LAPTM5: variants seen among roughly 807,000 people sequenced by gnomAD.
LAPTM5 encodes the protein lysosomal protein transmembrane 5.
LAPTM5 carries 11 observed loss-of-function variants against 30.1 expected under a neutral mutation model. The ratio of observed to expected loss-of-function variants is 0.37; its 90% CI spans 0.23 to 0.60. The LOEUF (loss-of-function observed/expected upper bound fraction) is 0.60. Ranked by LOEUF, LAPTM5 falls within the 20% of genes least tolerant of loss-of-function variation. The probability of loss-of-function intolerance (pLI) is 0.71; values close to 1 mark genes in which losing one functional copy is unlikely to be tolerated. For synonymous variants in LAPTM5, 151 were observed against 137.9 expected (o/e 1.10, Z -0.67); for missense variants, 324 against 332.5 (o/e 0.97, Z 0.20).
intron 1 of LAPTM5, among the ~76,000 whole-genome samples, chr1:30,742,819 G>A (rs562020010): frequency 6.6e-6 from 1 of 152,292 alleles, no homozygotes; most frequent in East Asian, 1.9e-4. Context: ...CTGCAAGATG[G>A]GGATAATACT....
chr1:30,742,555 G>A lies in LAPTM5; in HGVS notation c.88-6C>T. On this transcript the variant is annotated splice_polypyrimidine_tract_variant and splice_region_variant and intron_variant, in intron 1 of 7. Transcript: ENST00000294507. ...AACAACAAGACGCTCATGATCTGGA[G>A]GCAAAGCAAAGCATCAGTCAGCTGA... 2 of 1,611,434 alleles carry A rather than the reference G, an allele frequency of 1.2e-6. No individual in the cohort carries two copies. Among genetic ancestry groups the A allele is most frequent in the Non-Finnish European group, 1.7e-6 (2 of 1,178,856 alleles).
At chr1:30,737,055 G>A (rs1400206767) in intron 6 of LAPTM5, among the ~76,000 whole-genome samples, 2 of 152,256 alleles carry the variant, frequency 1.3e-5, no homozygotes, top group Non-Finnish European at 2.9e-5. Flanking sequence ...TTGTACTGCT[G>A]TGAACACACT....
chr1:30,751,502 G>T (rs559250160), intron 1 of LAPTM5, among the ~76,000 whole-genome samples: 2 of 152,372 alleles, frequency 1.3e-5, no homozygotes, highest in Non-Finnish European at 2.9e-5. Context: ...ACTTTGGGAG[G>T]CTGAGGCTGG....
chr1:30,733,627 A>G lies in LAPTM5; in HGVS notation c.*201T>C, dbSNP rs1393338010. 1 of 1,532,570 alleles carries G rather than the reference A, an allele frequency of 6.5e-7. No homozygotes were observed. Among genetic ancestry groups the G allele is most frequent in the Admixed American group, 2.0e-5 (1 of 50,916 alleles). 94.9% of individuals were successfully genotyped at this position (1,532,570 alleles called of 1,614,324 possible). A position where few individuals can be genotyped will look rare whatever the true frequency, so the allele number is the denominator to read the frequency against. ...GAATTATGGAGAGACCCGAGGAGTGACTCAGCCTAAAGCGTTGACCCAGTT... is the reference window on the plus strand; with the variant it reads ...GAATTATGGAGAGACCCGAGGAGTGGCTCAGCCTAAAGCGTTGACCCAGTT... On this transcript the variant is annotated 3_prime_UTR_variant, in exon 8 of 8. Transcript: ENST00000294507.
intron 1 of LAPTM5, among the ~76,000 whole-genome samples, chr1:30,756,790 G>A (rs558621317): frequency 1.1e-3 from 164 of 152,322 alleles, no homozygotes; most frequent in African/African-American, 3.8e-3. Flanking sequence ...GTTAACCACA[G>A]GCCCTGAGTC....
At chr1:30,743,803 T>TTTTG (rs1430642394) in intron 1 of LAPTM5, among the ~76,000 whole-genome samples, 2 of 147,856 alleles carry the variant, frequency 1.4e-5, no homozygotes, top group African/African-American at 5.0e-5. Context: ...GGGTTTTTTT[T>TTTTG]TTTTTTTTTT....
intron 6 of LAPTM5, among the ~76,000 whole-genome samples, chr1:30,737,116 T>C (rs886435638): frequency 6.6e-6 from 1 of 152,148 alleles, no homozygotes; most frequent in African/African-American, 2.4e-5. Flanking sequence ...GACCCTATCC[T>C]CTGGGCCTGA....
intron 1 of LAPTM5, among the ~76,000 whole-genome samples, chr1:30,751,374 G>A (rs1640136059): frequency 6.6e-6 from 1 of 152,258 alleles, no homozygotes; most frequent in Non-Finnish European, 1.5e-5. Context: ...AGTTCTAACA[G>A]ATTCTCACCC....
intron 5 of LAPTM5, among the ~76,000 whole-genome samples, chr1:30,738,128 T>A (rs1365949487): frequency 1.3e-5 from 2 of 152,234 alleles, no homozygotes; most frequent in Non-Finnish European, 2.9e-5. Flanking sequence ...TAGGTGAGAC[T>A]GCCTCTGTGG....
In LAPTM5 at chr1:30,746,873, C is replaced by T. The variant is rs940067633; in HGVS notation, c.88-4324G>A. On this transcript the variant is annotated intron_variant, in intron 1 of 7. Coordinates refer to ENST00000294507, the MANE Select transcript of LAPTM5 (RefSeq NM_006762.3). This position sits in a 1 kb window ranked among gnomAD's most constrained non-coding sequence, Gnocchi z 4.0. ...CGTGTGGTGCGCGGAGCCGGGCACA[C>T]AGCAGGTGCACCATAAACAAGCACA... Among the ~76,000 whole-genome samples, 1 of 152,230 alleles carries T rather than the reference C, an allele frequency of 6.6e-6. No individual in the cohort carries two copies. Among genetic ancestry groups the T allele is most frequent in the Non-Finnish European group, 1.5e-5 (1 of 68,046 alleles).
Position 30,754,101 on chromosome 1 carries a change from G to A in LAPTM5, c.87+3558C>T, listed in dbSNP as rs4319383. Among the ~76,000 whole-genome samples the A allele has an allele frequency of 4.1e-3, 622 of 152,306 alleles. 8 individuals are homozygous for A. The highest frequency in any genetic ancestry group is 0.014 in the African/African-American group (583 of 41,558). On this transcript the variant is annotated intron_variant, in intron 1 of 7. Coordinates refer to ENST00000294507, the MANE Select transcript of LAPTM5 (RefSeq NM_006762.3). ...AATGCATTTCTGACAGTGGAATTCC[G>A]GGCACTCTGGGGAAGAGGGGTCAGG...
intron 1 of LAPTM5, among the ~76,000 whole-genome samples, chr1:30,743,241 G>C (rs1439643741): frequency 6.6e-6 from 1 of 152,218 alleles, no homozygotes; most frequent in Non-Finnish European, 1.5e-5. Flanking sequence ...TCGACTGTAG[G>C]TTCCAGGCAG....
Position 30,739,127 on chromosome 1 carries a change from G to A in LAPTM5, c.388-65C>T. 1 of 1,536,118 alleles carries A rather than the reference G, an allele frequency of 6.5e-7. No homozygotes were observed. The highest frequency in any genetic ancestry group is 8.8e-7 in the Non-Finnish European group (1 of 1,137,298). On this transcript the variant is annotated intron_variant, in intron 4 of 7. Transcript: ENST00000294507. The surrounding 1 kb of genome is among the most constrained non-coding windows in gnomAD (Gnocchi z 4.2). ...CAATTAAAGTCCCAGTTACTGAGCGGCACATAGTAGGCCCTCACTTGAGAG... is the reference window on the plus strand; with the variant it reads ...CAATTAAAGTCCCAGTTACTGAGCGACACATAGTAGGCCCTCACTTGAGAG...
At chr1:30,744,061 C>T (rs1450526732) in intron 1 of LAPTM5, among the ~76,000 whole-genome samples, 2 of 152,150 alleles carry the variant, frequency 1.3e-5, no homozygotes, top group Admixed American at 6.5e-5. Flanking sequence ...AAGCACTGAG[C>T]TCAGGGACTG....
intron 5 of LAPTM5, 139 bp downstream of exon 5, chr1:30,738,801 A>T: frequency 1.0e-6 from 1 of 965,362 alleles, no homozygotes; most frequent in Non-Finnish European, 1.5e-6. Flanking sequence ...TCCCTCAATA[A>T]ATCACCAGCA....
intron 1 of LAPTM5, among the ~76,000 whole-genome samples, chr1:30,751,476 C>A (rs1048158150): frequency 6.6e-6 from 1 of 152,244 alleles, no homozygotes; most frequent in Non-Finnish European, 1.5e-5. Flanking sequence ...CTATGGCCCA[C>A]GCCTATAATC....
At chr1:30,755,893 CAG>C (rs775962375) in intron 1 of LAPTM5, among the ~76,000 whole-genome samples, 28 of 152,334 alleles carry the variant, frequency 1.8e-4, no homozygotes, top group Non-Finnish European at 2.8e-4. Context: ...CAAGCAAAAA[CAG>C]AGAACAGCTG....
At position 30,732,506 on chromosome 1, in the gene LAPTM5, C is replaced by T. The variant is rs1019840390; in HGVS notation, c.*1322G>A. 3 of 151,224 alleles carry T rather than the reference C, an allele frequency of 2.0e-5. No individual in the cohort carries two copies. Among genetic ancestry groups the T allele is most frequent in the East Asian group, 3.9e-4 (2 of 5,102 alleles). The allele number at this position is 151,224 out of a possible 1,614,324, so 9.4% of individuals were successfully genotyped here. On this transcript the variant is annotated 3_prime_UTR_variant, in exon 8 of 8. Coordinates refer to ENST00000294507, the MANE Select transcript of LAPTM5 (RefSeq NM_006762.3). ...TGCTTTATTGAAACTTCCTCCCTGT[C>T]GCACACAAAGCAATTACACAAGGGG... is the stretch of plus-strand genomic sequence containing the variant.
At chr1:30,756,313 A>T (rs1361825674) in intron 1 of LAPTM5, among the ~76,000 whole-genome samples, 1 of 152,170 alleles carries the variant, frequency 6.6e-6, no homozygotes, top group African/African-American at 2.4e-5. Context: ...CCAAAACTAG[A>T]GTCCTTGAAT....
Sources: allele counts gnomAD v4.1 joint callset (sites outside exome capture counted in the v4.1 genomes callset), GRCh38; gene constraint gnomAD v4.1.1; non-coding constraint Gnocchi (gnomAD v3.1); transcripts MANE v1.5; gene names NCBI Gene and HGNC (gene_info 2026-07-23, HGNC 2026-07-21).